TOPBP1: variants seen among roughly 807,000 people sequenced by gnomAD.
TOPBP1 encodes DNA topoisomerase 2-binding protein 1.
TOPBP1 carries 28 observed loss-of-function variants against 167.7 expected under a neutral mutation model. The ratio of observed to expected loss-of-function variants is 0.17; its 90% CI spans 0.12 to 0.23. TOPBP1 has a LOEUF of 0.23. TOPBP1 is among the 10% of genes least tolerant of loss of function. TOPBP1 has a pLI of 1.00. For synonymous variants in TOPBP1, 598 were observed against 611.4 expected (o/e 0.98, Z 0.32); for missense variants, 1,554 against 1,809.6 (o/e 0.86, Z 2.56).
chr3:133,643,786 C>CCTT (rs925726600), intron 11 of TOPBP1, among the ~76,000 whole-genome samples: 3 of 152,084 alleles, frequency 2.0e-5, no homozygotes, highest in African/African-American at 7.2e-5. Flanking sequence ...GAGTGACCTC[C>CCTT]TAAGAAGGAA....
In TOPBP1 at chr3:133,649,559, A is replaced by C; in HGVS notation, c.1328T>G (p.Ile443Ser). 1 of 1,613,872 alleles carries C rather than the reference A, an allele frequency of 6.2e-7. No individual in the cohort carries two copies. The highest frequency in any genetic ancestry group is 8.5e-7 in the Non-Finnish European group (1 of 1,179,854). Residue 443 changes from isoleucine to serine, a missense_variant, in exon 10 of 28, where the codon ATC becomes AGC. Around this residue, in one of 3 missense-constraint regions of TOPBP1, gnomAD observed 1,197 missense variants for 1,351.5 expected, o/e 0.89. Transcript: ENST00000260810. ...TTCCACTGGCTGGTAATTAGCATGG[A>C]TATATGGTTCTTCAGAAAGCATATA... is the stretch of plus-strand genomic sequence containing the variant. ...KGYMLSEEPY[I>S]HANYQPVEIP...
At chr3:133,624,028 G>A (rs751479754) in intron 17 of TOPBP1, 24 bp downstream of exon 17, 9 of 1,599,366 alleles carry the variant, frequency 5.6e-6, no homozygotes, top group South Asian at 1.1e-5. Context: ...TAACAGAGAT[G>A]GGGGGGAAAA....
At chr3:133,658,043 G>A in intron 3 of TOPBP1, 102 bp from the exon 4 acceptor site, 2 of 902,094 alleles carry the variant, frequency 2.2e-6, no homozygotes, top group East Asian at 3.1e-5. Context: ...CAAAGTTGAT[G>A]ACCACTGTAG....
intron 24 of TOPBP1, among the ~76,000 whole-genome samples, chr3:133,611,658 G>A (rs1022052701): frequency 6.6e-6 from 1 of 152,130 alleles, no homozygotes; most frequent in Non-Finnish European, 1.5e-5. Flanking sequence ...GCGAAGTTTC[G>A]TTGTTTGGCT....
chr3:133,601,480 C>A, intron 27 of TOPBP1, 87 bp from the exon 28 acceptor site: 1 of 1,075,418 alleles, frequency 9.3e-7, no homozygotes, highest in East Asian at 2.8e-5. Context: ...AATCTCAGAC[C>A]TCTCAGGGAT....
Position 133,652,564 on chromosome 3 carries a change from A to T in TOPBP1, c.988T>A (p.Cys330Ser), listed in dbSNP as rs542313188. The change falls in exon 8 of 28, where the codon TGT becomes AGT. Residue 330 changes from cysteine (C) to serine (S), a missense_variant. By Grantham distance (112) the Cys-to-Ser change is moderately radical. Around this residue, in one of 3 missense-constraint regions of TOPBP1, gnomAD observed 1,197 missense variants for 1,351.5 expected, o/e 0.89. Transcript: ENST00000260810. ...TCCAGTTTGCTGTTAAGTGAATTAC[A>T]TATTGATTCACTTACGCAACTTGCA... Reference protein sequence around the residue: ...INASCVSESICNSLNSKLEPT... With the variant: ...INASCVSESISNSLNSKLEPT... The T allele has an allele frequency of 6.2e-7, 1 of 1,611,322 alleles. No individual in the cohort carries two copies. Among genetic ancestry groups the T allele is most frequent in the South Asian group, 1.1e-5 (1 of 90,950 alleles).
intron 23 of TOPBP1, among the ~76,000 whole-genome samples, chr3:133,615,560 T>C (rs1435359268): frequency 6.6e-6 from 1 of 152,214 alleles, no homozygotes; most frequent in Non-Finnish European, 1.5e-5. Flanking sequence ...TCTCTTACTA[T>C]AGTTTTCCTA....
chr3:133,646,198 A>G (rs983085356), intron 10 of TOPBP1, among the ~76,000 whole-genome samples: 1 of 152,194 alleles, frequency 6.6e-6, no homozygotes, highest in African/African-American at 2.4e-5. Context: ...AGAATTAATT[A>G]TAAAATACTT....
At chr3:133,617,455 CA>C (rs1576684370) in intron 21 of TOPBP1, 129 bp from the exon 22 acceptor site, 1 of 1,015,624 alleles carries the variant, frequency 9.8e-7, no homozygotes, top group Non-Finnish European at 1.3e-6. Context: ...AAAGTACAGG[CA>C]AAAAAGTATC....
At chr3:133,626,358 GT>G (rs1935266700) in intron 16 of TOPBP1, among the ~76,000 whole-genome samples, 1 of 152,148 alleles carries the variant, frequency 6.6e-6, no homozygotes, top group African/African-American at 2.4e-5. Flanking sequence ...ATGTTGGAGG[GT>G]GCTACTAGCA....
intron 19 of TOPBP1, 52 bp downstream of exon 19, chr3:133,623,039 T>G: frequency 1.8e-6 from 2 of 1,121,568 alleles, no homozygotes; most frequent in Non-Finnish European, 2.5e-6. Flanking sequence ...CACAAAAAAT[T>G]GAGACCTTGT....
chr3:133,622,277 G>A (rs1225452655), intron 19 of TOPBP1, among the ~76,000 whole-genome samples: 1 of 135,152 alleles, frequency 7.4e-6, no homozygotes, highest in East Asian at 2.3e-4. Flanking sequence ...CGCAACCTCC[G>A]CCTCCCGAGT....
intron 19 of TOPBP1, among the ~76,000 whole-genome samples, 177 bp from the exon 20 acceptor site, chr3:133,620,524 C>T (rs1336528801): frequency 2.0e-5 from 3 of 151,768 alleles, no homozygotes; most frequent in African/African-American, 7.3e-5. Flanking sequence ...ACATAAAAAG[C>T]AGCCCTTACC....
intron 14 of TOPBP1, among the ~76,000 whole-genome samples, chr3:133,632,268 G>C (rs1360626033): frequency 6.6e-6 from 1 of 151,968 alleles, no homozygotes; most frequent in Non-Finnish European, 1.5e-5. Flanking sequence ...AGCCGGGTGT[G>C]GGGGTAGGCG....
At chr3:133,629,575 A>G (rs1198352017) in intron 14 of TOPBP1, among the ~76,000 whole-genome samples, 1 of 152,144 alleles carries the variant, frequency 6.6e-6, no homozygotes, top group Non-Finnish European at 1.5e-5. Context: ...TAAAAAAACT[A>G]AAAAAACAAG....
chr3:133,630,545 G>A (rs1038943732), intron 14 of TOPBP1, among the ~76,000 whole-genome samples: 3 of 151,634 alleles, frequency 2.0e-5, no homozygotes, highest in African/African-American at 7.3e-5. Flanking sequence ...CAATCCTCTC[G>A]CCTTGGCCTC....
chr3:133,658,510 C>T lies in TOPBP1; in HGVS notation c.219+506G>A, dbSNP rs1936564494. On this transcript the variant is annotated intron_variant, in intron 3 of 27. Coordinates refer to ENST00000260810, the MANE Select transcript of TOPBP1 (RefSeq NM_007027.4). ...AAAGAAAAGAAATAAACTTCAAAAG[C>T]CCCTTTCACTGAAAACTGCCTTACT... Among the ~76,000 whole-genome samples the T allele has an allele frequency of 2.0e-5, 3 of 151,680 alleles. No individual in the cohort carries two copies. The South Asian group carries it at 6.3e-4, about 32-fold the overall frequency.
chr3:133,637,469 A>C (rs981274765), intron 14 of TOPBP1, among the ~76,000 whole-genome samples: 1 of 152,220 alleles, frequency 6.6e-6, no homozygotes, highest in Non-Finnish European at 1.5e-5. Context: ...GTGTACTCTG[A>C]GAACCAATAT....
At chr3:133,603,792 C>G (rs954225832) in intron 27 of TOPBP1, among the ~76,000 whole-genome samples, 1 of 151,668 alleles carries the variant, frequency 6.6e-6, no homozygotes, top group African/African-American at 2.4e-5. Context: ...ACAAAAAAAC[C>G]CACATACACA....
Sources: allele counts gnomAD v4.1 joint callset (sites outside exome capture counted in the v4.1 genomes callset), GRCh38; gene constraint gnomAD v4.1.1; regional missense constraint gnomAD v4.1.1; transcripts MANE v1.5; gene names NCBI Gene and HGNC (gene_info 2026-07-23, HGNC 2026-07-21).